Variants in KIAA1671 observed in about 807,000 individuals in gnomAD.
KIAA1671 encodes uncharacterized protein KIAA1671.
A neutral mutation model predicts 131.2 loss-of-function variants in KIAA1671; 52 were observed. That is an observed-to-expected ratio of 0.40 (90% CI 0.32 to 0.50). KIAA1671 has a LOEUF of 0.50. Ranked by LOEUF, KIAA1671 falls within the 20% of genes least tolerant of loss-of-function variation. The pLI is 0.73. For missense variants in KIAA1671, 2,360 were observed against 2,364.2 expected (o/e 1.00, Z 0.04); for synonymous variants, 1,003 against 961.6 (o/e 1.04, Z -0.80).
chr22:24,953,653 C>G (rs1332426130), intron 1 of KIAA1671, among the ~76,000 whole-genome samples: 3 of 151,980 alleles, frequency 2.0e-5, no homozygotes, highest in African/African-American at 7.2e-5. Context: ...CTCGTTGACC[C>G]CCACCCGAGC....
At chr22:25,122,543 G>A (rs529221936) in intron 6 of KIAA1671, among the ~76,000 whole-genome samples, 41 of 152,128 alleles carry the variant, frequency 2.7e-4, no homozygotes, top group Non-Finnish European at 4.6e-4. Flanking sequence ...GGGCTGTCAC[G>A]GAGCTGGAAC....
At chr22:24,993,985 G>C (rs1169676489) in intron 1 of KIAA1671, among the ~76,000 whole-genome samples, 1 of 152,080 alleles carries the variant, frequency 6.6e-6, no homozygotes, top group Non-Finnish European at 1.5e-5. Context: ...GGAGACTGAG[G>C]CAGGAGAATC....
intron 6 of KIAA1671, among the ~76,000 whole-genome samples, chr22:25,127,081 T>C (rs1158229014): frequency 1.3e-5 from 2 of 152,210 alleles, no homozygotes; most frequent in East Asian, 3.8e-4. Flanking sequence ...CCTGCTCCCC[T>C]GTCTACTAGC....
intron 1 of KIAA1671, among the ~76,000 whole-genome samples, chr22:24,965,793 T>C (rs2009968): frequency 0.19 from 28,415 of 150,868 alleles, 3,150 homozygotes; most frequent in African/African-American, 0.3. Flanking sequence ...TTAAAAAATG[T>C]GTGTAAGTTG....
At chr22:25,003,159 G>A (rs1924564211) in intron 1 of KIAA1671, among the ~76,000 whole-genome samples, 1 of 152,116 alleles carries the variant, frequency 6.6e-6, no homozygotes, top group Admixed American at 6.6e-5. Context: ...GGAATCAAGA[G>A]AGTGGGCTTC....
At chr22:25,061,029 C>T (rs1310068775) in intron 6 of KIAA1671, 1 of 152,150 alleles carries the variant, frequency 6.6e-6, no homozygotes, top group South Asian at 2.1e-4. Context: ...CCCAGCTGAG[C>T]TTAGGATGTT....
chr22:25,097,912 T>C (rs982677019), intron 6 of KIAA1671, among the ~76,000 whole-genome samples: 2 of 152,084 alleles, frequency 1.3e-5, no homozygotes, highest in Non-Finnish European at 2.9e-5. Flanking sequence ...CCTACACTTT[T>C]CTTGGCATCT....
At chr22:25,112,582 T>G (rs748203437) in intron 6 of KIAA1671, 3 of 394,680 alleles carry the variant, frequency 7.6e-6, no homozygotes, top group Non-Finnish European at 1.3e-5. Flanking sequence ...AGAATAGTTG[T>G]CAGTCAAAGC....
chr22:25,124,979 G>T (rs1932110379), intron 6 of KIAA1671, among the ~76,000 whole-genome samples: 1 of 152,132 alleles, frequency 6.6e-6, no homozygotes, highest in African/African-American at 2.4e-5. Context: ...GGCTGGTCTC[G>T]AACTCCTGGG....
chr22:24,960,088 T>C (rs1391007194), intron 1 of KIAA1671, among the ~76,000 whole-genome samples: 1 of 151,706 alleles, frequency 6.6e-6, no homozygotes, highest in Non-Finnish European at 1.5e-5. Flanking sequence ...ATCGAGATCA[T>C]ACCACTGCAC....
intron 6 of KIAA1671, among the ~76,000 whole-genome samples, chr22:25,138,956 C>A (rs950331660): frequency 1.4e-4 from 21 of 152,180 alleles, no homozygotes; most frequent in African/African-American, 3.4e-4. Context: ...AATCCCACCC[C>A]CTTCCTGGTC....
At chr22:25,145,677 G>A (rs369224347) in intron 6 of KIAA1671, among the ~76,000 whole-genome samples, 2 of 152,282 alleles carry the variant, frequency 1.3e-5, no homozygotes, top group East Asian at 1.9e-4. Flanking sequence ...AATGGCTCAC[G>A]CCTGTAATCC....
At chr22:25,042,067 A>G (rs1231522439) in intron 5 of KIAA1671, among the ~76,000 whole-genome samples, 2 of 152,194 alleles carry the variant, frequency 1.3e-5, no homozygotes, top group African/African-American at 4.8e-5. Flanking sequence ...ACAGGCAGGA[A>G]TGCTGGCCTT....
rs555429719 is a variant in KIAA1671 at position 24,958,204 on chromosome 22, C to G, written c.-208+5432C>G. On this transcript the variant is annotated intron_variant, in intron 1 of 12. Transcript: ENST00000358431. ...GGAGGGGTGCTTCTGCCTAGTCTCA[C>G]TACTCAAACTGCTGCCATTTAAGAA... is the stretch of plus-strand genomic sequence containing the variant. 2.0e-4 allele frequency among the ~76,000 whole-genome samples: 31 copies of G among 152,188 alleles called. No individual in the cohort carries two copies. The South Asian group carries it at 6.4e-3, about 32-fold the overall frequency.
At chr22:25,000,051 A>G (rs547425241) in intron 1 of KIAA1671, among the ~76,000 whole-genome samples, 106 of 151,284 alleles carry the variant, frequency 7.0e-4, no homozygotes, top group African/African-American at 2.5e-3. Flanking sequence ...CGCCCAGCTA[A>G]TTTTTTGTAT....
At chr22:25,001,564 G>A (rs1040382941) in intron 1 of KIAA1671, among the ~76,000 whole-genome samples, 4 of 152,184 alleles carry the variant, frequency 2.6e-5, no homozygotes, top group African/African-American at 7.2e-5. Flanking sequence ...GGACTGGGGT[G>A]GGGGAGATTG....
chr22:25,178,964 G>C (rs897535263), intron 9 of KIAA1671, among the ~76,000 whole-genome samples: 1 of 152,238 alleles, frequency 6.6e-6, no homozygotes, highest in African/African-American at 2.4e-5. Context: ...TGCACGTGCT[G>C]ACCAGACAGC....
intron 6 of KIAA1671, among the ~76,000 whole-genome samples, chr22:25,114,560 G>T (rs1931558459): frequency 6.6e-6 from 1 of 152,346 alleles, no homozygotes; most frequent in Admixed American, 6.5e-5. Context: ...GTGTGATCTT[G>T]GACAGACTCC....
intron 1 of KIAA1671, among the ~76,000 whole-genome samples, chr22:24,987,306 G>C (rs1923603584): frequency 1.3e-5 from 2 of 151,832 alleles, no homozygotes; most frequent in Non-Finnish European, 2.9e-5. Context: ...GAGTAGCTGG[G>C]ACTACAGGCG....
Sources: allele counts gnomAD v4.1 joint callset (sites outside exome capture counted in the v4.1 genomes callset), GRCh38; gene constraint gnomAD v4.1.1; transcripts MANE v1.5; gene names NCBI Gene and HGNC (gene_info 2026-07-23, HGNC 2026-07-21).